NPEPPS: variants seen among roughly 807,000 people sequenced by gnomAD.
NPEPPS encodes the protein aminopeptidase puromycin sensitive.
A neutral mutation model predicts 115.5 loss-of-function variants in NPEPPS; 14 were observed. The ratio of observed to expected loss-of-function variants is 0.12; its 90% CI spans 0.08 to 0.19. The LOEUF (loss-of-function observed/expected upper bound fraction) is 0.19, where lower values mean the gene tolerates loss of function less well. NPEPPS is among the 10% of genes least tolerant of loss of function. NPEPPS has a pLI of 1.00. For missense variants in NPEPPS, 523 were observed against 1,110.8 expected (o/e 0.47, Z 7.52); for synonymous variants, 285 against 390.6 (o/e 0.73, Z 3.19).
At chr17:47,531,105 A>G, upstream of NPEPPS, 2 of 692,390 alleles carry the variant, frequency 2.9e-6, no homozygotes, top group Non-Finnish European at 4.1e-6. Context: ...AGCCGCCGCC[A>G]CCACTTCCCC....
At chr17:47,523,335 C>T (rs1907294648) in intron 1 of NPEPPS, among the ~76,000 whole-genome samples, 1 of 148,160 alleles carries the variant, frequency 6.7e-6, no homozygotes, top group Non-Finnish European at 1.5e-5. Flanking sequence ...CTTTCGATGA[C>T]TTACATTTGC....
intron 3 of NPEPPS, among the ~76,000 whole-genome samples, chr17:47,570,421 AAAAC>A (rs1243145256): frequency 6.6e-6 from 1 of 152,140 alleles, no homozygotes; most frequent in Non-Finnish European, 1.5e-5. Flanking sequence ...GACTCTGTCT[AAAAC>A]AAACAAACAA....
At chr17:47,532,356 T>C (rs1490664221) in intron 1 of NPEPPS, among the ~76,000 whole-genome samples, 1 of 152,102 alleles carries the variant, frequency 6.6e-6, no homozygotes, top group Admixed American at 6.6e-5. Context: ...TAGCAGTACC[T>C]TCCTCTCCCA....
chr17:47,611,012 C>T (rs1490234268), intron 17 of NPEPPS, among the ~76,000 whole-genome samples: 1 of 151,218 alleles, frequency 6.6e-6, no homozygotes, highest in South Asian at 2.1e-4. Context: ...TGCCACTACA[C>T]CTGGCTAATT....
chr17:47,551,270 A>C (rs1305617943), intron 2 of NPEPPS, among the ~76,000 whole-genome samples: 1 of 151,954 alleles, frequency 6.6e-6, no homozygotes, highest in East Asian at 1.9e-4. Context: ...ATATTGTGTG[A>C]AAAGGACCCC....
In NPEPPS at chr17:47,585,102, C is replaced by T. The variant is rs533820192; in HGVS notation, c.649-398C>T. Among the ~76,000 whole-genome samples the T allele has an allele frequency of 3.0e-4, 46 of 152,352 alleles. No homozygotes were observed. The South Asian group carries it at 3.7e-3, about 12-fold the overall frequency. ...TAAGCCTCCCAAAGTGCTGGTATTA[C>T]AGGCGTGAGCCACCGCGCCTAGCCC... On this transcript the variant is annotated intron_variant, in intron 5 of 22. Coordinates refer to ENST00000322157, the MANE Select transcript of NPEPPS (RefSeq NM_006310.4).
At chr17:47,600,422 C>T (rs998040808) in intron 14 of NPEPPS, among the ~76,000 whole-genome samples, 1 of 152,036 alleles carries the variant, frequency 6.6e-6, no homozygotes, top group African/African-American at 2.4e-5. Context: ...GGTGACACGG[C>T]GAGACCCTGT....
chr17:47,550,070 G>T (rs561268056), intron 2 of NPEPPS, among the ~76,000 whole-genome samples: 1 of 150,604 alleles, frequency 6.6e-6, no homozygotes, highest in Admixed American at 6.6e-5. Context: ...CAGCATCTGG[G>T]GCTATAGGCG....
intron 1 of NPEPPS, among the ~76,000 whole-genome samples, chr17:47,535,541 C>T (rs1908170026): frequency 7.6e-6 from 1 of 131,442 alleles, no homozygotes; most frequent in Admixed American, 8.2e-5. Flanking sequence ...CAGAGCGAGG[C>T]TCCGTCTCAA....
In NPEPPS at chr17:47,532,363, C is replaced by T. The variant is rs1355870796; in HGVS notation, c.255+808C>T. Among the ~76,000 whole-genome samples, 5 of 152,154 alleles carry T rather than the reference C, an allele frequency of 3.3e-5. No homozygotes were observed. The East Asian group carries it at 7.7e-4, about 24-fold the overall frequency. The stretch of plus-strand genomic sequence containing the variant: ...TGGTTGCTTAGCAGTACCTTCCTCT[C>T]CCAAGAAGCTGGCTGGGCGCGGTGG... On this transcript the variant is annotated intron_variant, in intron 1 of 22. Transcript: ENST00000322157.
chr17:47,534,725 C>T (rs1236809919), intron 1 of NPEPPS, among the ~76,000 whole-genome samples: 2 of 151,674 alleles, frequency 1.3e-5, no homozygotes, highest in Admixed American at 6.6e-5. Flanking sequence ...TGTGCCATCA[C>T]GCCCAACTAA....
intron 19 of NPEPPS, among the ~76,000 whole-genome samples, chr17:47,614,771 G>A (rs1914085786): frequency 1.3e-5 from 2 of 152,154 alleles, no homozygotes; most frequent in South Asian, 4.1e-4. Flanking sequence ...TAAATAAAAT[G>A]TGCAAAATGT....
At chr17:47,544,189 C>T (rs1311867129) in intron 1 of NPEPPS, among the ~76,000 whole-genome samples, 4 of 151,990 alleles carry the variant, frequency 2.6e-5, no homozygotes, top group East Asian at 1.9e-4. Flanking sequence ...CCACCGTGCC[C>T]GGCCTTAATT....
intron 2 of NPEPPS, among the ~76,000 whole-genome samples, chr17:47,550,653 G>A (rs998027188): frequency 7.3e-6 from 1 of 136,280 alleles, no homozygotes; most frequent in African/African-American, 2.7e-5. Flanking sequence ...TTTTGAGACA[G>A]TTTCACTCTT....
At chr17:47,567,135 A>G (rs1306865810) in intron 2 of NPEPPS, among the ~76,000 whole-genome samples, 1 of 152,184 alleles carries the variant, frequency 6.6e-6, no homozygotes, top group Non-Finnish European at 1.5e-5. Context: ...TGTAGAAATA[A>G]TTTTGGCAAT....
intron 1 of NPEPPS, among the ~76,000 whole-genome samples, chr17:47,525,802 A>G (rs1907408586): frequency 6.6e-6 from 1 of 152,234 alleles, no homozygotes; most frequent in Non-Finnish European, 1.5e-5. Flanking sequence ...AGTCAGCTCA[A>G]TAATAATTGA....
intron 2 of NPEPPS, among the ~76,000 whole-genome samples, chr17:47,546,729 AG>A (rs1327933781): frequency 6.6e-6 from 1 of 151,920 alleles, no homozygotes; most frequent in Non-Finnish European, 1.5e-5. Flanking sequence ...TAGTAGAGAC[AG>A]GGTTTTGCTA....
intron 2 of NPEPPS, among the ~76,000 whole-genome samples, chr17:47,562,125 A>G (rs1372643874): frequency 1.3e-5 from 2 of 152,178 alleles, no homozygotes; most frequent in Non-Finnish European, 2.9e-5. Flanking sequence ...ACTATTCTTT[A>G]TAATAAACCA....
At chr17:47,548,460 A>G (rs1266464069) in intron 2 of NPEPPS, 3 of 152,018 alleles carry the variant, frequency 2.0e-5, no homozygotes. Context: ...GTGGTTTTAA[A>G]GTGGTATGTA....
Sources: allele counts gnomAD v4.1 joint callset (sites outside exome capture counted in the v4.1 genomes callset), GRCh38; gene constraint gnomAD v4.1.1; transcripts MANE v1.5; gene names NCBI Gene and HGNC (gene_info 2026-07-23, HGNC 2026-07-21).